The following DNAH11 variants were observed in gnomAD, a reference collection of about 807,000 sequenced individuals.
DNAH11 encodes axonemal beta dynein heavy chain 11.
DNAH11 carries 442 observed loss-of-function variants against 526.0 expected under a neutral mutation model. The ratio of observed to expected loss-of-function variants is 0.84; its 90% CI spans 0.78 to 0.91. The LOEUF (loss-of-function observed/expected upper bound fraction) is 0.91. DNAH11 is among the 40% of genes least tolerant of loss of function. The pLI, the probability that DNAH11 is intolerant of heterozygous loss-of-function variation, is 0.00. For synonymous variants in DNAH11, 2,461 were observed against 1,935.9 expected, an observed-to-expected ratio of 1.27 and a Z score of -7.12; for missense variants, 6,989 against 5,448.7, an observed-to-expected ratio of 1.28 and a Z score of -8.90.
intron 75 of DNAH11, among the ~76,000 whole-genome samples, chr7:21,883,911 C>T (rs1784025536): frequency 6.6e-6 from 1 of 152,142 alleles, no homozygotes; most frequent in Non-Finnish European, 1.5e-5. Context: ...GATGTAGTGT[C>T]CTGTGCCTGT....
intron 43 of DNAH11, among the ~76,000 whole-genome samples, chr7:21,719,201 T>G (rs1321040825): frequency 6.6e-6 from 1 of 152,224 alleles, no homozygotes; most frequent in African/African-American, 2.4e-5. Flanking sequence ...GCTGTTGTTT[T>G]ATAGAGTAAT....
Position 21,687,184 on chromosome 7 carries a change from A to G in DNAH11, c.5707A>G (p.Thr1903Ala). The change falls in exon 33 of 82, where the codon ACC (threonine) becomes GCC (alanine). Residue 1903 changes from threonine to alanine, a missense_variant. Transcript: ENST00000409508. ...GPAGTGKTETTKDLGRALGMM... is the reference protein window; with the variant it reads ...GPAGTGKTETAKDLGRALGMM... ...AGCTGGTACCGGGAAAACAGAGACCACCAAAGACCTAGGACGTGCCCTTGG... is the reference window on the plus strand; with the variant it reads ...AGCTGGTACCGGGAAAACAGAGACCGCCAAAGACCTAGGACGTGCCCTTGG... 1 of 1,612,614 alleles carries G rather than the reference A, an allele frequency of 6.2e-7. No individual in the cohort carries two copies. The highest frequency in any genetic ancestry group is 1.7e-5 in the Admixed American group (1 of 59,782).
chr7:21,761,930 T>C (rs10807807), intron 54 of DNAH11, among the ~76,000 whole-genome samples: 2 of 152,064 alleles, frequency 1.3e-5, no homozygotes, highest in Non-Finnish European at 2.9e-5. Flanking sequence ...AGAGGTTTAA[T>C]TGACTCACAG....
chr7:21,787,326 G>T, intron 59 of DNAH11, 75 bp from the exon 60 acceptor site: 1 of 1,468,054 alleles, frequency 6.8e-7, no homozygotes, highest in Non-Finnish European at 9.2e-7. Context: ...CCTAAAAGCT[G>T]ATTTTAACTT....
chr7:21,762,618 C>T (rs974884265), intron 54 of DNAH11, among the ~76,000 whole-genome samples: 2 of 152,134 alleles, frequency 1.3e-5, no homozygotes, highest in Non-Finnish European at 2.9e-5. Flanking sequence ...TGAAATATTA[C>T]AGCAATTATT....
chr7:21,615,895 GTC>G (rs1385567940), intron 21 of DNAH11, among the ~76,000 whole-genome samples: 1 of 152,136 alleles, frequency 6.6e-6, no homozygotes, highest in Non-Finnish European at 1.5e-5. Flanking sequence ...AATTATAAAA[GTC>G]TGTTATTTAA....
rs1402129468 is a variant in DNAH11, at chr7:21,892,544, C to A, written c.12627C>A (p.Leu4209=). ...CAGAAAGCCCGGCACTGTATGGCCT[C>A]CACCCAAATGCTGAAATAGAATTCC... The part of the protein sequence containing the change: ...LPPESPALYG[L]HPNAEIEFLT... Residue 4209 remains leucine, a synonymous_variant, in exon 77 of 82, where the codon CTC becomes CTA. Transcript: ENST00000409508. 1 of 1,613,836 alleles carries A rather than the reference C, an allele frequency of 6.2e-7. No individual in the cohort carries two copies. The highest frequency in any genetic ancestry group is 8.5e-7 in the Non-Finnish European group (1 of 1,179,892).
At chr7:21,639,183 C>A in intron 28 of DNAH11, 118 bp downstream of exon 28, 1 of 1,283,312 alleles carries the variant, frequency 7.8e-7, no homozygotes, top group Admixed American at 3.0e-5. Flanking sequence ...AGAAAATCTG[C>A]AGTTAAAATT....
At chr7:21,721,896 A>T (rs1347423785) in intron 44 of DNAH11, among the ~76,000 whole-genome samples, 2 of 152,204 alleles carry the variant, frequency 1.3e-5, no homozygotes, top group Non-Finnish European at 2.9e-5. Flanking sequence ...TTTGTGAACC[A>T]TAGTCAACCC....
intron 46 of DNAH11, among the ~76,000 whole-genome samples, chr7:21,736,101 G>T (rs545077369): frequency 6.6e-6 from 1 of 152,300 alleles, no homozygotes; most frequent in African/African-American, 2.4e-5. Context: ...TAGTGTTAAT[G>T]TGTTACCTCG....
At chr7:21,730,649 A>G (rs2965368) in intron 45 of DNAH11, among the ~76,000 whole-genome samples, 102,457 of 152,030 alleles carry the variant, frequency 0.67, 34,811 homozygotes, top group Admixed American at 0.73. Context: ...AGTTGAACTC[A>G]TAGAAGCGGA....
intron 28 of DNAH11, among the ~76,000 whole-genome samples, chr7:21,649,225 T>A (rs1319162225): frequency 6.6e-6 from 1 of 152,236 alleles, no homozygotes; most frequent in Non-Finnish European, 1.5e-5. Flanking sequence ...TTGGGAAAAC[T>A]GTTTAACAGC....
chr7:21,863,059 G>A (rs556995658), intron 69 of DNAH11, among the ~76,000 whole-genome samples: 16 of 75,120 alleles, frequency 2.1e-4, no homozygotes, highest in East Asian at 1.1e-3. Flanking sequence ...GCGAGACTCC[G>A]TCTCAAAAAA....
chr7:21,780,835 T>C (rs1346932282), intron 57 of DNAH11, among the ~76,000 whole-genome samples: 2 of 152,184 alleles, frequency 1.3e-5, no homozygotes, highest in Admixed American at 1.3e-4. Context: ...GGCAGTGTTG[T>C]AGACTATTAG....
chr7:21,698,815 C>G (rs746491890), intron 36 of DNAH11, among the ~76,000 whole-genome samples: 5 of 152,120 alleles, frequency 3.3e-5, no homozygotes, highest in Non-Finnish European at 5.9e-5. Flanking sequence ...GACTACTTTT[C>G]CTCTGGGCAG....
intron 45 of DNAH11, among the ~76,000 whole-genome samples, chr7:21,733,106 G>T (rs1439088435): frequency 6.6e-6 from 1 of 152,222 alleles, no homozygotes; most frequent in African/African-American, 2.4e-5. Context: ...AGCAGGGAAG[G>T]CCAGGTGCAG....
At position 21,561,078 on chromosome 7, in the gene DNAH11, C is replaced by A; in HGVS notation, c.890C>A (p.Ala297Glu). The A allele has an allele frequency of 6.3e-7, 1 of 1,594,702 alleles. No homozygotes were observed. ...NLSCIYDQLQ[A>E]PVVLKMVKIL... Reference sequence around the variant, plus strand: ...TTTTTTCCTTTAACTTAGCTTCAGGCACCTGTTGTCCTCAAAATGGTTAAG... The same window carrying A: ...TTTTTTCCTTTAACTTAGCTTCAGGAACCTGTTGTCCTCAAAATGGTTAAG... Residue 297 changes from alanine to glutamate, a missense_variant, in exon 5 of 82, where the codon GCA becomes GAA. Ala to Glu is a moderately radical substitution (Grantham distance 107, BLOSUM62 -1). Coordinates refer to ENST00000409508, the MANE Select transcript of DNAH11 (RefSeq NM_001277115.2).
At chr7:21,864,736 T>A in intron 70 of DNAH11, 79 bp downstream of exon 70, 1 of 1,374,942 alleles carries the variant, frequency 7.3e-7, no homozygotes, top group African/African-American at 1.4e-5. Context: ...ATGTAAACAT[T>A]AAAGAATACA....
intron 40 of DNAH11, among the ~76,000 whole-genome samples, chr7:21,708,508 A>G (rs1262145379): frequency 6.6e-6 from 1 of 152,176 alleles, no homozygotes; most frequent in Non-Finnish European, 1.5e-5. Flanking sequence ...CATTTGACCT[A>G]AAGCAGACAG....
Sources: allele counts gnomAD v4.1 joint callset (sites outside exome capture counted in the v4.1 genomes callset), GRCh38; gene constraint gnomAD v4.1.1; transcripts MANE v1.5; gene names NCBI Gene and HGNC (gene_info 2026-07-23, HGNC 2026-07-21).